The following PAK2 variants were observed in gnomAD, a reference collection of about 807,000 sequenced individuals.
The protein encoded by PAK2 is serine/threonine-protein kinase PAK 2.
Under a neutral mutation model 65.9 loss-of-function variants are expected in PAK2, and 21 were observed. That is an observed-to-expected ratio of 0.32 (90% CI 0.23 to 0.46). The LOEUF (loss-of-function observed/expected upper bound fraction) is 0.46. PAK2 is among the 20% of genes least tolerant of loss of function. The pLI, the probability that PAK2 is intolerant of heterozygous loss-of-function variation, is 1.00. For synonymous variants in PAK2, 204 were observed against 219.7 expected (o/e 0.93, Z 0.63); for missense variants, 324 against 642.6 (o/e 0.50, Z 5.36).
In PAK2 at chr3:196,807,797, G is replaced by A. The variant is rs1715633884; in HGVS notation, c.592G>A (p.Val198Ile). 4 of 1,604,074 alleles carry A rather than the reference G, an allele frequency of 2.5e-6. No individual in the cohort carries two copies. The highest frequency in any genetic ancestry group is 1.1e-5 in the South Asian group (1 of 90,708). The part of the protein sequence containing the change: ...DHTKSIYTRS[V>I]IDPVPAPVGD... Reference sequence around the variant, plus strand: ...GTCTCCACAGATTTACACACGGTCTGTAATTGACCCTGTTCCTGCACCAGT... The same window carrying A: ...GTCTCCACAGATTTACACACGGTCTATAATTGACCCTGTTCCTGCACCAGT... The change falls in exon 7 of 15, where the codon GTA becomes ATA. Residue 198 changes from valine (V) to isoleucine (I), a missense_variant. By Grantham distance (29) the Val-to-Ile change is conservative. Around this residue, in one of 5 missense-constraint regions of PAK2, gnomAD observed 183 missense variants for 246.2 expected, o/e 0.74. Coordinates refer to ENST00000327134, the MANE Select transcript of PAK2 (RefSeq NM_002577.4).
rs1712037471 is a variant in PAK2 at position 196,830,473 on chromosome 3, A to G, written c.*2068A>G. ...ACCAATGAAATAGAAAACCAACGAGATGAGAAGACTGTGATCCTCATGTAC... is the reference window on the plus strand; with the variant it reads ...ACCAATGAAATAGAAAACCAACGAGGTGAGAAGACTGTGATCCTCATGTAC... On this transcript the variant is annotated 3_prime_UTR_variant, in exon 15 of 15. Coordinates refer to ENST00000327134, the MANE Select transcript of PAK2 (RefSeq NM_002577.4). 1 of 148,906 alleles carries G rather than the reference A, an allele frequency of 6.7e-6. No homozygotes were observed. Among genetic ancestry groups the G allele is most frequent in the African/African-American group, 2.6e-5 (1 of 38,566 alleles). The allele number at this position is 148,906 out of a possible 1,614,324, so 9.2% of individuals were successfully genotyped here.
At chr3:196,827,474 C>T (rs943541443) in intron 14 of PAK2, 141 bp downstream of exon 14, 7 of 1,477,216 alleles carry the variant, frequency 4.7e-6, no homozygotes, top group Non-Finnish European at 6.3e-6. Context: ...AGGGTTTCAT[C>T]CTACCATGCT....
intron 11 of PAK2, among the ~76,000 whole-genome samples, chr3:196,815,062 C>T (rs1715959065): frequency 1.3e-5 from 2 of 151,932 alleles, no homozygotes; most frequent in South Asian, 2.1e-4. Context: ...TACCTGTAGT[C>T]CCAGCTACTC....
At chr3:196,753,260 G>GA (rs1191082922) in intron 1 of PAK2, among the ~76,000 whole-genome samples, 1 of 150,490 alleles carries the variant, frequency 6.6e-6, no homozygotes, top group African/African-American at 2.4e-5. Context: ...CCGGGCCTGA[G>GA]AAAAAAATCT....
At chr3:196,761,699 G>A (rs1713971211) in intron 1 of PAK2, among the ~76,000 whole-genome samples, 3 of 143,290 alleles carry the variant, frequency 2.1e-5, no homozygotes, top group Non-Finnish European at 3.1e-5. Context: ...GTGGTGGCCG[G>A]GCAGAGGGGC....
chr3:196,748,879 A>G (rs843541), intron 1 of PAK2, among the ~76,000 whole-genome samples: 70,776 of 151,890 alleles, frequency 0.47, 16,967 homozygotes, highest in Non-Finnish European at 0.53. Flanking sequence ...AATTATCACC[A>G]CCATCCATCT....
chr3:196,789,701 G>C (rs1411430080), intron 2 of PAK2, among the ~76,000 whole-genome samples: 1 of 152,126 alleles, frequency 6.6e-6, no homozygotes, highest in Non-Finnish European at 1.5e-5. Flanking sequence ...CTGACCTCAG[G>C]TGATCTGCTC....
At position 196,759,749 on chromosome 3, in the gene PAK2, A is replaced by T. The variant is rs1476337452; in HGVS notation, c.-22+19592A>T. On this transcript the variant is annotated intron_variant, in intron 1 of 14. Transcript: ENST00000327134. Reference sequence around the variant, plus strand: ...ACCATACTGGCCAGGCTGGTCTTGAACTCCTGAGCTCGTGATCTGCCCGCC... The same window carrying T: ...ACCATACTGGCCAGGCTGGTCTTGATCTCCTGAGCTCGTGATCTGCCCGCC... Among the ~76,000 whole-genome samples the T allele has an allele frequency of 1.3e-5, 2 of 151,140 alleles. 1 individual carries two copies. Among genetic ancestry groups the T allele is most frequent in the African/African-American group, 4.9e-5 (2 of 41,116 alleles).
At position 196,831,999 on chromosome 3, in the gene PAK2, TC is replaced by T. The variant is rs879663309; in HGVS notation, c.*3595del. On this transcript the variant is annotated 3_prime_UTR_variant, in exon 15 of 15. Transcript: ENST00000327134. ...TATAAGAAAAAATAGATACACACAT[TC>T]TTTTTTCTCAGTCAACACATTGATT... The T allele has an allele frequency of 6.6e-6, 1 of 152,202 alleles. No homozygotes were observed. The highest frequency in any genetic ancestry group is 1.5e-5 in the Non-Finnish European group (1 of 68,038). 9.4% of individuals were successfully genotyped at this position (152,202 alleles called of 1,614,324 possible).
chr3:196,778,546 C>G (rs1373272518), intron 1 of PAK2, among the ~76,000 whole-genome samples: 1 of 152,152 alleles, frequency 6.6e-6, no homozygotes, highest in Non-Finnish European at 1.5e-5. Context: ...TCCTGTATAC[C>G]TATCACCCGG....
At chr3:196,759,500 T>TTTG (rs1713884572) in intron 1 of PAK2, among the ~76,000 whole-genome samples, 1 of 9,712 alleles carries the variant, frequency 1.0e-4, no homozygotes, top group Non-Finnish European at 2.4e-4. Context: ...TTTTTTTTGT[T>TTTG]TTTTTTTTTT....
intron 13 of PAK2, among the ~76,000 whole-genome samples, chr3:196,824,028 G>A (rs572501393): frequency 3.9e-5 from 6 of 152,028 alleles, no homozygotes; most frequent in East Asian, 1.9e-4. Context: ...CAGGTTCTTC[G>A]GAACTCATTC....
At chr3:196,782,565 G>A (rs1341072571) in intron 1 of PAK2, 61 bp from the exon 2 acceptor site, 6 of 775,764 alleles carry the variant, frequency 7.7e-6, no homozygotes, top group Non-Finnish European at 1.3e-5. Context: ...AGTTATTACT[G>A]TTTTTTGCTT....
intron 1 of PAK2, among the ~76,000 whole-genome samples, chr3:196,766,930 C>CGGTGTG (rs1714187713): frequency 3.6e-5 from 3 of 82,720 alleles, no homozygotes; most frequent in Non-Finnish European, 7.8e-5. Flanking sequence ...CAAGTACACC[C>CGGTGTG]CGTGTGTGTG....
rs577539951 is a variant in PAK2 at position 196,804,609 on chromosome 3, A to T, written c.437-743A>T. 1.8e-3 allele frequency among the ~76,000 whole-genome samples: 271 copies of T among 152,058 alleles called. 3 individuals carry two copies. The highest frequency in any genetic ancestry group is 1.3e-3 in the Non-Finnish European group (86 of 67,970). On this transcript the variant is annotated intron_variant, in intron 4 of 14. Coordinates refer to ENST00000327134, the MANE Select transcript of PAK2 (RefSeq NM_002577.4). ...CAGCCTCCTGAGTAGCTGAGATTAC[A>T]AGCATGCGCCGCCACACCTGGCTAA...
At chr3:196,768,579 T>C (rs1329083402) in intron 1 of PAK2, among the ~76,000 whole-genome samples, 1 of 151,958 alleles carries the variant, frequency 6.6e-6, no homozygotes, top group Non-Finnish European at 1.5e-5. Flanking sequence ...AACCCCAACC[T>C]CCTGGGCTCA....
intron 13 of PAK2, 47 bp from the exon 14 acceptor site, chr3:196,827,149 C>T (rs2084386): frequency 0.88 from 1,181,041 of 1,346,212 alleles, 518,984 homozygotes; most frequent in East Asian, 1. Context: ...GCTCTGTGAC[C>T]GTGTTGAGCT....
In PAK2 at chr3:196,762,954, A is replaced by G. The variant is rs114965838; in HGVS notation, c.-21-19672A>G. Among the ~76,000 whole-genome samples the G allele has an allele frequency of 9.8e-4, 150 of 152,328 alleles. 1 individual carries two copies. The highest frequency in any genetic ancestry group is 4.1e-4 in the Non-Finnish European group (28 of 68,030). On this transcript the variant is annotated intron_variant, in intron 1 of 14. Transcript: ENST00000327134. The stretch of plus-strand genomic sequence containing the variant: ...CATGAAAAAACATAATTGACTGACT[A>G]TAACAGGGTAATTGAGTAATGAGGG...
intron 11 of PAK2, among the ~76,000 whole-genome samples, chr3:196,815,780 C>T (rs190272785): frequency 6.8e-4 from 102 of 150,568 alleles, no homozygotes; most frequent in African/African-American, 2.1e-3. Context: ...AGCAAGACTC[C>T]GTCTCAAAAA....
Sources: gnomAD v4.1 joint callset for allele counts (sites outside exome capture counted in the v4.1 genomes callset) on GRCh38, gnomAD v4.1.1 for gene constraint, gnomAD v4.1.1 regional missense constraint, MANE v1.5 for transcripts, NCBI Gene and HGNC (gene_info 2026-07-23, HGNC 2026-07-21) for gene names.